The following PGBD1 variants were observed in gnomAD, a reference collection of about 807,000 sequenced individuals.
The protein encoded by PGBD1 is piggyBac transposable element derived 1.
In PGBD1, 25 loss-of-function variants were observed where a neutral mutation model predicts 34.7. The observed-to-expected ratio is 0.72, with a 90% confidence interval of 0.52 to 1.00. The LOEUF (loss-of-function observed/expected upper bound fraction) is 1.00, where lower values mean the gene tolerates loss of function less well. PGBD1 is among the 50% of genes least tolerant of loss of function. The probability of loss-of-function intolerance (pLI) is 0.00; values close to 1 mark genes in which losing one functional copy is unlikely to be tolerated. For synonymous variants in PGBD1, 292 were observed against 335.7 expected (o/e 0.87, Z 1.42); for missense variants, 830 against 959.4 (o/e 0.87, Z 1.78).
chr6:28,301,119 T>C lies in PGBD1; in HGVS notation c.1265T>C (p.Leu422Pro), dbSNP rs1340461606. The change falls in exon 7 of 7, where the codon CTT (leucine) becomes CCT (proline). Residue 422 changes from leucine to proline, a missense_variant. Physicochemically the swap from Leu to Pro is moderately conservative, Grantham distance 98. Transcript: ENST00000682144. ...LKSEKLNPVE[L>P]FELFFDDETF... ...AGCGAAAAGTTGAACCCAGTAGAGC[T>C]TTTTGAATTATTTTTTGATGATGAA... The C allele has an allele frequency of 6.2e-7, 1 of 1,614,166 alleles. No homozygotes were observed. The highest frequency in any genetic ancestry group is 1.1e-5 in the South Asian group (1 of 91,084).
rs1430981568 is a variant in PGBD1, at chr6:28,301,893, A to G, written c.2039A>G (p.Glu680Gly). 1 of 1,614,106 alleles carries G rather than the reference A, an allele frequency of 6.2e-7. No homozygotes were observed. Among genetic ancestry groups the G allele is most frequent in the African/African-American group, 1.3e-5 (1 of 74,938 alleles). ...GGGTATTTTGATTTCCGAATAGAAG[A>G]AAACAATGAGATAATTTTGTGTCGT... ...KRGYFDFRIEENNEIILCRWY... is the reference protein window; with the variant it reads ...KRGYFDFRIEGNNEIILCRWY... The change falls in exon 7 of 7, where the codon GAA (glutamate) becomes GGA (glycine). Residue 680 changes from glutamate (E) to glycine (G), a missense_variant. By Grantham distance (98) the Glu-to-Gly change is moderately conservative. Around this residue, in one of 3 missense-constraint regions of PGBD1, gnomAD observed 372 missense variants for 427.9 expected, o/e 0.87. Coordinates refer to ENST00000682144, the MANE Select transcript of PGBD1 (RefSeq NM_032507.4).
Position 28,302,380 on chromosome 6 carries a change from G to C in PGBD1, c.*96G>C. On this transcript the variant is annotated 3_prime_UTR_variant, in exon 7 of 7. Coordinates refer to ENST00000682144, the MANE Select transcript of PGBD1 (RefSeq NM_032507.4). Reference sequence around the variant, plus strand: ...CCCTCCCAAAGTAAATCTGATATATGTAATGAAGTTATTAAATAATACTTT... The same window carrying C: ...CCCTCCCAAAGTAAATCTGATATATCTAATGAAGTTATTAAATAATACTTT... 1 of 1,208,298 alleles carries C rather than the reference G, an allele frequency of 8.3e-7. No individual in the cohort carries two copies. The highest frequency in any genetic ancestry group is 1.1e-6 in the Non-Finnish European group (1 of 877,952). The allele number at this position is 1,208,298 out of a possible 1,614,324, so 74.8% of individuals were successfully genotyped here.
At chr6:28,297,346 T>C (rs774043927) in intron 5 of PGBD1, among the ~76,000 whole-genome samples, 1 of 152,176 alleles carries the variant, frequency 6.6e-6, no homozygotes, top group South Asian at 2.1e-4. Context: ...ATCTTCACTC[T>C]CTAAGAACAC....
At chr6:28,297,834 T>G (rs1279735100) in intron 5 of PGBD1, 61 bp from the exon 6 acceptor site, 89 of 313,114 alleles carry the variant, frequency 2.8e-4, no homozygotes, top group African/African-American at 1.9e-3. Flanking sequence ...TTTTTTTTTT[T>G]TTTTTTTTTT....
At position 28,301,160 on chromosome 6, in the gene PGBD1, G is replaced by A; in HGVS notation, c.1306G>A (p.Val436Ile). 1 of 1,614,154 alleles carries A rather than the reference G, an allele frequency of 6.2e-7. No homozygotes were observed. Among genetic ancestry groups the A allele is most frequent in the Non-Finnish European group, 8.5e-7 (1 of 1,180,020 alleles). Residue 436 changes from valine (V) to isoleucine (I), a missense_variant, in exon 7 of 7, where the codon GTC becomes ATC. Transcript: ENST00000682144. ...FFDDETFNLI[V>I]NETNNYASQK... ...TGATGATGAAACATTCAACTTAATTGTCAATGAAACCAATAATTATGCTTC... is the reference window on the plus strand; with the variant it reads ...TGATGATGAAACATTCAACTTAATTATCAATGAAACCAATAATTATGCTTC...
At chr6:28,292,281 C>T (rs1201087951) in intron 4 of PGBD1, among the ~76,000 whole-genome samples, 1 of 151,870 alleles carries the variant, frequency 6.6e-6, no homozygotes, top group Non-Finnish European at 1.5e-5. Flanking sequence ...TTATATACTT[C>T]AATAGTGAAC....
chr6:28,297,649 CCCTGT>C (rs1762686213), intron 5 of PGBD1, among the ~76,000 whole-genome samples: 1 of 152,148 alleles, frequency 6.6e-6, no homozygotes, highest in Non-Finnish European at 1.5e-5. Context: ...ATGTGCTCTG[CCCTGT>C]TGGGCCCTCT....
At chr6:28,297,072 T>C (rs1319953192) in intron 5 of PGBD1, 127 bp downstream of exon 5, 14 of 1,051,982 alleles carry the variant, frequency 1.3e-5, no homozygotes, top group Non-Finnish European at 1.8e-5. Context: ...TTCTGGCCTC[T>C]GCCTCCAGAC....
rs762589471 is a variant in PGBD1 at position 28,300,758 on chromosome 6, A to G, written c.904A>G (p.Ile302Val). The G allele has an allele frequency of 4.3e-6, 7 of 1,613,746 alleles. No individual in the cohort carries two copies. Among genetic ancestry groups the G allele is most frequent in the African/African-American group, 2.7e-5 (2 of 74,866 alleles). The stretch of plus-strand genomic sequence containing the variant: ...ACCCCAGATTCCTTGTAGTACTCCT[A>G]TTGCTACTGAAAGGACAGTTGCACA... ...CAPQIPCSTP[I>V]ATERTVAHLN... is the part of the protein sequence containing the mutation. The change falls in exon 7 of 7, where the codon ATT becomes GTT. Residue 302 changes from isoleucine (I) to valine (V), a missense_variant. Physicochemically the swap from Ile to Val is conservative, Grantham distance 29. Transcript: ENST00000682144. The surrounding 1 kb of genome is among the most constrained non-coding windows in gnomAD (Gnocchi z 4.0).
chr6:28,286,130 CG>C (rs1762279350), intron 3 of PGBD1, among the ~76,000 whole-genome samples: 1 of 152,086 alleles, frequency 6.6e-6, no homozygotes, highest in African/African-American at 2.4e-5. Flanking sequence ...AAAAGTGAAT[CG>C]GGGCAAGGCT....
chr6:28,287,085 G>A lies in PGBD1; in HGVS notation c.559G>A (p.Val187Ile), dbSNP rs41269293. Residue 187 changes from valine (V) to isoleucine (I), a missense_variant, in exon 4 of 7, where the codon GTT becomes ATT. Coordinates refer to ENST00000682144, the MANE Select transcript of PGBD1 (RefSeq NM_032507.4). ...CTTGCCCTCTCTCTCTGCAGGGCCT[G>A]TTCCCCACGGATCAGCTCATCTCCA... is the stretch of plus-strand genomic sequence containing the variant. Reference protein sequence around the residue: ...QGNPQEVSGPVPHGSAHLQEK... With the variant: ...QGNPQEVSGPIPHGSAHLQEK... 1 of 1,613,662 alleles carries A rather than the reference G, an allele frequency of 6.2e-7. No homozygotes were observed. The highest frequency in any genetic ancestry group is 1.3e-5 in the African/African-American group (1 of 75,020).
rs978358366 is a variant in PGBD1 at position 28,281,611 on chromosome 6, A to G, written c.-346A>G. On this transcript the variant is annotated 5_prime_UTR_variant, in exon 1 of 7. Transcript: ENST00000682144. ...GCTGGAGGCGCCGGCAGCGCCCGCC[A>G]GACCCGCCAGCCCAGCGGCCCGGGC... 5.2e-6 allele frequency: 2 copies of G among 382,888 alleles called. No homozygotes were observed. The highest frequency in any genetic ancestry group is 2.1e-5 in the African/African-American group (1 of 47,890). The allele number at this position is 382,888 out of a possible 1,614,324, so 23.7% of individuals were successfully genotyped here.
At chr6:28,295,923 A>G (rs1391110183) in intron 4 of PGBD1, among the ~76,000 whole-genome samples, 7 of 152,198 alleles carry the variant, frequency 4.6e-5, no homozygotes, top group African/African-American at 1.7e-4. Flanking sequence ...AAGAGAAAAC[A>G]TCTTCTGTCT....
At chr6:28,288,736 A>G (rs1327450783) in intron 4 of PGBD1, among the ~76,000 whole-genome samples, 2 of 152,110 alleles carry the variant, frequency 1.3e-5, no homozygotes, top group African/African-American at 4.8e-5. Context: ...CATGCCTGTA[A>G]TCCCACACTT....
chr6:28,282,522 A>T (rs1762160705), intron 1 of PGBD1, among the ~76,000 whole-genome samples: 1 of 152,226 alleles, frequency 6.6e-6, no homozygotes, highest in Admixed American at 6.5e-5. Flanking sequence ...GAATACCGTA[A>T]CAGAACATTA....
intron 4 of PGBD1, among the ~76,000 whole-genome samples, chr6:28,293,043 A>G (rs1044964745): frequency 3.3e-5 from 5 of 152,060 alleles, no homozygotes; most frequent in Admixed American, 6.6e-5. Flanking sequence ...CCCTGGTTCA[A>G]GTGATTCTCC....
At chr6:28,293,259 G>A (rs1446272431) in intron 4 of PGBD1, among the ~76,000 whole-genome samples, 2 of 152,108 alleles carry the variant, frequency 1.3e-5, no homozygotes, top group Non-Finnish European at 2.9e-5. Flanking sequence ...AGCTTTCAAA[G>A]ATAACATGGC....
At chr6:28,296,489 A>G (rs928149123) in intron 4 of PGBD1, among the ~76,000 whole-genome samples, 3 of 152,106 alleles carry the variant, frequency 2.0e-5, no homozygotes, top group Non-Finnish European at 4.4e-5. Context: ...CAGGTTTCCT[A>G]TGTTTCAGTG....
At position 28,287,145 on chromosome 6, in the gene PGBD1, G is replaced by A. The variant is rs761768940; in HGVS notation, c.619G>A (p.Val207Met). ...KNPRDKAVVP[V>M]FNPVRSQTLV... Reference sequence around the variant, plus strand: ...CCCCAGAGACAAGGCTGTAGTGCCTGTGTTTAACCCAGTCAGGTCCCAGGT... The same window carrying A: ...CCCCAGAGACAAGGCTGTAGTGCCTATGTTTAACCCAGTCAGGTCCCAGGT... The change falls in exon 4 of 7, where the codon GTG (valine) becomes ATG (methionine). Residue 207 changes from valine to methionine, a missense_variant. Transcript: ENST00000682144. The A allele has an allele frequency of 1.9e-6, 3 of 1,613,818 alleles. No individual in the cohort carries two copies. The highest frequency in any genetic ancestry group is 2.5e-6 in the Non-Finnish European group (3 of 1,179,850).
Sources: gnomAD v4.1 joint callset for allele counts (sites outside exome capture counted in the v4.1 genomes callset) on GRCh38, gnomAD v4.1.1 for gene constraint, gnomAD v4.1.1 regional missense constraint, Gnocchi (gnomAD v3.1) non-coding constraint, MANE v1.5 for transcripts, NCBI Gene and HGNC (gene_info 2026-07-23, HGNC 2026-07-21) for gene names.